Variants in MACROD2 observed in about 807,000 individuals in gnomAD.
The protein encoded by MACROD2 is mono-ADP ribosylhydrolase 2.
A neutral mutation model predicts 70.4 loss-of-function variants in MACROD2; 36 were observed. That is an observed-to-expected ratio of 0.51 (90% confidence interval 0.39 to 0.68). MACROD2 has a LOEUF of 0.68. MACROD2 is among the 30% of genes least tolerant of loss of function. The pLI, the probability that MACROD2 is intolerant of heterozygous loss-of-function variation, is 0.00. For synonymous variants in MACROD2, 172 were observed against 178.8 expected (o/e 0.96, Z 0.30); for missense variants, 496 against 538.4 (o/e 0.92, Z 0.78).
chr20:14,159,928 T>C (rs866908688), intron 3 of MACROD2, among the ~76,000 whole-genome samples: 1 of 152,188 alleles, frequency 6.6e-6, no homozygotes, highest in South Asian at 2.1e-4. Context: ...ATTTTTGTGA[T>C]GAAGTGGTGC....
At chr20:15,243,494 T>C (rs2077077999) in intron 6 of MACROD2, among the ~76,000 whole-genome samples, 1 of 152,182 alleles carries the variant, frequency 6.6e-6, no homozygotes, top group African/African-American at 2.4e-5. Flanking sequence ...CTTGGTTATC[T>C]GGCTCATTTG....
At chr20:15,032,702 T>TGATC (rs2094410069) in intron 5 of MACROD2, among the ~76,000 whole-genome samples, 1 of 152,232 alleles carries the variant, frequency 6.6e-6, no homozygotes, top group African/African-American at 2.4e-5. Flanking sequence ...AATTGCTACA[T>TGATC]GATCTACCAA....
At chr20:15,784,735 T>A (rs1286859266) in intron 8 of MACROD2, among the ~76,000 whole-genome samples, 1 of 152,138 alleles carries the variant, frequency 6.6e-6, no homozygotes, top group Non-Finnish European at 1.5e-5. Flanking sequence ...AAAGCTTTAG[T>A]GGTAGAATCT....
chr20:15,258,283 C>T (rs2077217448), intron 6 of MACROD2, among the ~76,000 whole-genome samples: 1 of 151,978 alleles, frequency 6.6e-6, no homozygotes, highest in Admixed American at 6.6e-5. Flanking sequence ...TTTATAAAGT[C>T]TACAGTAGGG....
At chr20:14,473,402 G>T (rs969337237) in intron 3 of MACROD2, among the ~76,000 whole-genome samples, 2 of 152,148 alleles carry the variant, frequency 1.3e-5, no homozygotes, top group Admixed American at 1.3e-4. Context: ...AGGTCATGGG[G>T]TAATTATTTT....
At chr20:15,654,850 C>T (rs1273087102) in intron 8 of MACROD2, among the ~76,000 whole-genome samples, 1 of 152,188 alleles carries the variant, frequency 6.6e-6, no homozygotes. Flanking sequence ...GCAGTCCTTG[C>T]TTTGTCCTTG....
intron 10 of MACROD2, among the ~76,000 whole-genome samples, chr20:15,927,412 C>T (rs1345736455): frequency 1.3e-5 from 2 of 152,168 alleles, no homozygotes; most frequent in Non-Finnish European, 2.9e-5. Context: ...GAAAGAGAGA[C>T]TCCAGGATTT....
At chr20:15,771,589 A>G (rs1265728714) in intron 8 of MACROD2, among the ~76,000 whole-genome samples, 1 of 151,992 alleles carries the variant, frequency 6.6e-6, no homozygotes, top group Non-Finnish European at 1.5e-5. Context: ...GTCTGTCTGT[A>G]TACATATGGA....
intron 8 of MACROD2, among the ~76,000 whole-genome samples, chr20:15,530,649 A>G (rs527901020): frequency 2.0e-5 from 3 of 150,572 alleles, no homozygotes; most frequent in South Asian, 2.1e-4. Context: ...GGAGAATGGC[A>G]TGAACCCGGG....
At chr20:15,494,325 A>G (rs1465337875) in intron 7 of MACROD2, among the ~76,000 whole-genome samples, 1 of 152,164 alleles carries the variant, frequency 6.6e-6, no homozygotes, top group Admixed American at 6.6e-5. Flanking sequence ...TTCCTCCTGG[A>G]TATATACTCA....
At chr20:14,134,801 C>CAAAAAAA (rs5840594) in intron 3 of MACROD2, among the ~76,000 whole-genome samples, 2 of 98,320 alleles carry the variant, frequency 2.0e-5, no homozygotes, top group African/African-American at 4.1e-5. Flanking sequence ...GACTCCGTGT[C>CAAAAAAA]AAAAAAAAAA....
Position 15,321,926 on chromosome 20 carries a change from G to A in MACROD2, c.540+91865G>A, listed in dbSNP as rs565235516. 1.2e-3 allele frequency among the ~76,000 whole-genome samples: 179 copies of A among 143,486 alleles called. 11 individuals are homozygous for A. The highest frequency in any genetic ancestry group is 4.2e-3 in the African/African-American group (170 of 40,210). The allele number at this position is 143,486 out of a possible 152,430, so 94.1% of individuals were successfully genotyped here. On this transcript the variant is annotated intron_variant, in intron 6 of 17. Coordinates refer to ENST00000684519, the MANE Select transcript of MACROD2 (RefSeq NM_001351661.2). ...TCCTACCTCAGCCTCCCAAGTATCT[G>A]GGACTACAGGCACATGCCACCATGC... is the stretch of plus-strand genomic sequence containing the variant.
At chr20:14,349,123 A>G (rs1209143809) in intron 3 of MACROD2, among the ~76,000 whole-genome samples, 1 of 151,948 alleles carries the variant, frequency 6.6e-6, no homozygotes, top group Non-Finnish European at 1.5e-5. Context: ...CTGAATTCCC[A>G]CTATCCAGTA....
At chr20:14,970,122 G>C (rs750619664) in intron 5 of MACROD2, among the ~76,000 whole-genome samples, 51 of 152,090 alleles carry the variant, frequency 3.4e-4, no homozygotes, top group Non-Finnish European at 4.9e-4. Context: ...TACAATCATA[G>C]CAGAAGGCAC....
chr20:15,406,097 C>G (rs1301235485), intron 6 of MACROD2, among the ~76,000 whole-genome samples: 16 of 152,130 alleles, frequency 1.1e-4, no homozygotes, highest in Admixed American at 1.0e-3. Context: ...TTGACAGGTC[C>G]TTTCACTGCC....
intron 5 of MACROD2, among the ~76,000 whole-genome samples, chr20:15,138,549 G>C (rs1321730729): frequency 6.6e-6 from 1 of 152,148 alleles, no homozygotes; most frequent in East Asian, 1.9e-4. Context: ...TGCTCAGCTA[G>C]ATTGGTCTAA....
At chr20:15,793,384 C>A (rs541406263) in intron 8 of MACROD2, among the ~76,000 whole-genome samples, 1 of 152,282 alleles carries the variant, frequency 6.6e-6, no homozygotes, top group South Asian at 2.1e-4. Flanking sequence ...ACTATGTAGA[C>A]CCTCTATGGA....
At chr20:15,880,653 GTACT>G (rs1041945016) in intron 9 of MACROD2, among the ~76,000 whole-genome samples, 1 of 151,924 alleles carries the variant, frequency 6.6e-6, no homozygotes, top group African/African-American at 2.4e-5. Context: ...GGGATCTGGG[GTACT>G]TATATGCAAA....
intron 3 of MACROD2, among the ~76,000 whole-genome samples, chr20:14,278,980 G>T (rs534208778): frequency 6.6e-6 from 1 of 152,188 alleles, no homozygotes; most frequent in African/African-American, 2.4e-5. Flanking sequence ...TATAAAGTTT[G>T]TGAGGAGCTG....
Sources: gnomAD v4.1 joint callset for allele counts (sites outside exome capture counted in the v4.1 genomes callset) on GRCh38, gnomAD v4.1.1 for gene constraint, MANE v1.5 for transcripts, NCBI Gene and HGNC (gene_info 2026-07-23, HGNC 2026-07-21) for gene names.